RBMS3: variants seen among roughly 807,000 people sequenced by gnomAD.
The protein encoded by RBMS3 is RNA-binding motif, single-stranded-interacting protein 3.
A neutral mutation model predicts 66.8 loss-of-function variants in RBMS3; 27 were observed. That is an observed-to-expected ratio of 0.40 (90% confidence interval 0.30 to 0.56). The LOEUF is 0.56. Among genes scored for constraint, RBMS3 ranks in the 20% least tolerant of loss-of-function variants. RBMS3 has a pLI of 0.40. For synonymous variants in RBMS3, 188 were observed against 183.0 expected (o/e 1.03, Z -0.22); for missense variants, 513 against 549.5 (o/e 0.93, Z 0.66).
chr3:29,343,834 C>G (rs1471155359), intron 1 of RBMS3, among the ~76,000 whole-genome samples: 1 of 152,212 alleles, frequency 6.6e-6, no homozygotes, highest in African/African-American at 2.4e-5. Context: ...TAAGACCGTT[C>G]TCTGCATTCC....
In RBMS3 at chr3:29,473,712, G is replaced by A. The variant is rs533124142; in HGVS notation, c.249-14729G>A. Among the ~76,000 whole-genome samples, 174 of 152,330 alleles carry A rather than the reference G, an allele frequency of 1.1e-3. 1 individual carries two copies. Among genetic ancestry groups the A allele is most frequent in the African/African-American group, 4.0e-3 (168 of 41,580 alleles). ...CGCCAGTGGGCCGGCACTGCTGGGGGACCCAGTACACCCTCCGCAGCTGCT... is the reference window on the plus strand; with the variant it reads ...CGCCAGTGGGCCGGCACTGCTGGGGAACCCAGTACACCCTCCGCAGCTGCT... On this transcript the variant is annotated intron_variant, in intron 2 of 14. Coordinates refer to ENST00000383767, the MANE Select transcript of RBMS3 (RefSeq NM_001003793.3).
rs1477561663 is a variant in RBMS3, at chr3:29,676,844, G to T, written c.400-62876G>T. ...TCAAAACTAATTGCAGCATAGTTTT[G>T]TTTTGTAATTTCTTTGCTTGCTGTA... On this transcript the variant is annotated intron_variant, in intron 4 of 14. Coordinates refer to ENST00000383767, the MANE Select transcript of RBMS3 (RefSeq NM_001003793.3). Among the ~76,000 whole-genome samples the T allele has an allele frequency of 2.0e-5, 3 of 152,088 alleles. No individual in the cohort carries two copies. The East Asian group carries it at 5.8e-4, about 29-fold the overall frequency.
At position 29,837,663 on chromosome 3, in the gene RBMS3, C is replaced by CATATATATAT. The variant is rs3070797; in HGVS notation, c.638-31160_638-31151dup. On this transcript the variant is annotated intron_variant, in intron 6 of 14. Transcript: ENST00000383767. ...ATAATGAACATATATATATAATGAA[C>CATATATATAT]ATATATATATATATATATATATATA... Among the ~76,000 whole-genome samples the CATATATATAT allele has an allele frequency of 5.9e-3, 396 of 67,556 alleles. 14 individuals carry two copies. The highest frequency in any genetic ancestry group is 0.014 in the Middle Eastern group (1 of 74). The allele number at this position is 67,556 out of a possible 152,430, so 44.3% of individuals were successfully genotyped here.
chr3:29,993,877 T>C (rs763165043), intron 14 of RBMS3, among the ~76,000 whole-genome samples: 29 of 152,134 alleles, frequency 1.9e-4, no homozygotes, highest in Non-Finnish European at 4.1e-4. Flanking sequence ...ATCTTAATAA[T>C]TGTGCAAGTC....
rs2149198771 is a variant in RBMS3 at position 29,642,485 on chromosome 3, T to C, written c.399+55280T>C. Among the ~76,000 whole-genome samples the C allele has an allele frequency of 2.6e-5, 4 of 152,138 alleles. No individual in the cohort carries two copies. The Middle Eastern group carries it at 0.014, about 517-fold the overall frequency. ...AAATAAAATAAGTAAAAATGTATGG[T>C]TTCATGTGTACCACCAAAAAGCATT... is the stretch of plus-strand genomic sequence containing the variant. On this transcript the variant is annotated intron_variant, in intron 4 of 14. Coordinates refer to ENST00000383767, the MANE Select transcript of RBMS3 (RefSeq NM_001003793.3).
intron 6 of RBMS3, among the ~76,000 whole-genome samples, chr3:29,842,694 G>T (rs2058691088): frequency 6.6e-6 from 1 of 152,248 alleles, no homozygotes; most frequent in East Asian, 1.9e-4. Context: ...CTTTAGATGG[G>T]AAGATTACCC....
intron 3 of RBMS3, among the ~76,000 whole-genome samples, chr3:29,569,395 A>G (rs1312015933): frequency 6.6e-6 from 1 of 152,168 alleles, no homozygotes; most frequent in Non-Finnish European, 1.5e-5. Context: ...TACAAATTAC[A>G]TCAAAATGTT....
intron 4 of RBMS3, among the ~76,000 whole-genome samples, chr3:29,708,513 A>G (rs552784800): frequency 6.6e-6 from 1 of 152,282 alleles, no homozygotes; most frequent in East Asian, 1.9e-4. Context: ...TAAGAAACAA[A>G]TTGTTTTCTT....
chr3:29,483,309 CAAA>C (rs72225547), intron 2 of RBMS3, among the ~76,000 whole-genome samples: 1 of 75,582 alleles, frequency 1.3e-5, no homozygotes, highest in African/African-American at 3.9e-5. Flanking sequence ...TTCGTCTTAA[CAAA>C]AAAAAAAAAA....
chr3:29,318,726 G>A (rs911006180), intron 1 of RBMS3, among the ~76,000 whole-genome samples: 1 of 151,788 alleles, frequency 6.6e-6, no homozygotes, highest in African/African-American at 2.4e-5. Flanking sequence ...GCCAACTGTG[G>A]GCCAGGTATT....
intron 4 of RBMS3, among the ~76,000 whole-genome samples, chr3:29,646,736 C>T (rs1452674721): frequency 6.6e-6 from 1 of 151,036 alleles, no homozygotes; most frequent in Non-Finnish European, 1.5e-5. Context: ...TTCCCTGTCT[C>T]CTATTCCTGC....
chr3:29,789,896 T>G (rs2056945520), intron 6 of RBMS3, among the ~76,000 whole-genome samples: 2 of 152,196 alleles, frequency 1.3e-5, no homozygotes, highest in Admixed American at 1.3e-4. Context: ...CCATTTCAAA[T>G]TATAGCCAGA....
intron 3 of RBMS3, among the ~76,000 whole-genome samples, chr3:29,497,212 T>C (rs913620875): frequency 6.6e-6 from 1 of 152,118 alleles, no homozygotes. Flanking sequence ...GGTTTCACTG[T>C]ATTAGCCAGG....
At chr3:29,364,162 G>A (rs1053611898) in intron 1 of RBMS3, among the ~76,000 whole-genome samples, 5 of 152,064 alleles carry the variant, frequency 3.3e-5, no homozygotes, top group Non-Finnish European at 4.4e-5. Context: ...TGCGTATATG[G>A]CATTAAAAAT....
chr3:29,945,518 A>G (rs1463845427), intron 12 of RBMS3, among the ~76,000 whole-genome samples: 1 of 151,634 alleles, frequency 6.6e-6, no homozygotes, highest in Non-Finnish European at 1.5e-5. Flanking sequence ...TTCCTGTCAT[A>G]TCTTAACATG....
At chr3:29,933,045 C>T (rs756876186) in intron 10 of RBMS3, among the ~76,000 whole-genome samples, 1 of 152,152 alleles carries the variant, frequency 6.6e-6, no homozygotes, top group Non-Finnish European at 1.5e-5. Context: ...TTGAGCAAAG[C>T]CAGACATCCA....
intron 9 of RBMS3, 105 bp downstream of exon 9, chr3:29,897,580 A>G: frequency 1.0e-6 from 1 of 959,030 alleles, no homozygotes; most frequent in Non-Finnish European, 1.7e-6. Flanking sequence ...ATTCTCATAC[A>G]CTTTAATCAC....
chr3:29,609,727 A>G (rs1242773212), intron 4 of RBMS3, among the ~76,000 whole-genome samples: 1 of 152,002 alleles, frequency 6.6e-6, no homozygotes, highest in East Asian at 1.9e-4. Flanking sequence ...TGACTGATTG[A>G]AAGAGGTTTG....
At chr3:29,751,237 A>C (rs1380879447) in intron 5 of RBMS3, among the ~76,000 whole-genome samples, 1 of 152,206 alleles carries the variant, frequency 6.6e-6, no homozygotes. Context: ...GAGAAAACCA[A>C]GTTTTACTTT....
Sources: allele counts gnomAD v4.1 joint callset (sites outside exome capture counted in the v4.1 genomes callset), GRCh38; gene constraint gnomAD v4.1.1; transcripts MANE v1.5; gene names NCBI Gene and HGNC (gene_info 2026-07-23, HGNC 2026-07-21).